Variants in JAK2 observed in about 807,000 individuals in gnomAD.
JAK2 encodes the protein tyrosine-protein kinase JAK2.
In JAK2, 86 loss-of-function variants were observed where a neutral mutation model predicts 139.3. That is an observed-to-expected ratio of 0.62 (90% CI 0.52 to 0.74). JAK2 has a LOEUF of 0.74. Ranked by LOEUF, JAK2 falls within the 30% of genes least tolerant of loss-of-function variation. The pLI is 0.00. For missense variants in JAK2, 1,421 were observed against 1,360.3 expected (o/e 1.04, Z -0.70); for synonymous variants, 490 against 437.7 (o/e 1.12, Z -1.49).
At chr9:5,083,897 T>C (rs1819889265) in intron 19 of JAK2, among the ~76,000 whole-genome samples, 1 of 152,204 alleles carries the variant, frequency 6.6e-6, no homozygotes, top group Non-Finnish European at 1.5e-5. Context: ...TTTCTTTCAA[T>C]AGTGAAACCA....
intron 2 of JAK2, among the ~76,000 whole-genome samples, chr9:5,009,748 T>C (rs999962433): frequency 6.6e-6 from 1 of 152,090 alleles, no homozygotes; most frequent in Non-Finnish European, 1.5e-5. Context: ...GATGCCTTCC[T>C]CTGTGTATTT....
rs372174914 is a variant in JAK2, at chr9:5,070,070, C to G, written c.1641+18C>G. ...TGATATTTGTAAGTCATTAGATACT[C>G]ATTACTGTCTTTTTTGTCCTTTTAA... On this transcript the variant is annotated intron_variant, in intron 12 of 24. Transcript: ENST00000381652. 6.4e-7 allele frequency: 1 copy of G among 1,566,660 alleles called. No individual in the cohort carries two copies. The highest frequency in any genetic ancestry group is 8.7e-7 in the Non-Finnish European group (1 of 1,148,448).
chr9:5,025,152 G>C (rs764462467), intron 3 of JAK2, among the ~76,000 whole-genome samples: 1 of 150,474 alleles, frequency 6.6e-6, no homozygotes, highest in Non-Finnish European at 1.5e-5. Context: ...TTTTTTTCCT[G>C]TTTCTGGGAG....
intron 2 of JAK2, among the ~76,000 whole-genome samples, chr9:4,987,614 TAATCCCAGCTACTCGGG>T (rs1437292938): frequency 1.3e-5 from 2 of 151,166 alleles, no homozygotes; most frequent in African/African-American, 4.9e-5. Context: ...TGCACACCTG[TAATCCCAGCTACTCGGG>T]AGGGTGAGGC....
chr9:5,041,820 G>A (rs1023426076), intron 4 of JAK2: 3 of 483,180 alleles, frequency 6.2e-6, no homozygotes, highest in African/African-American at 3.9e-5. Flanking sequence ...CAAAAACCAG[G>A]CGCTGAACTC....
chr9:5,076,399 T>G (rs7038763), intron 14 of JAK2, among the ~76,000 whole-genome samples: 1 of 151,980 alleles, frequency 6.6e-6, no homozygotes, highest in African/African-American at 2.4e-5. Context: ...ACCTGAACTT[T>G]AAGCAGCCAC....
intron 5 of JAK2, among the ~76,000 whole-genome samples, chr9:5,050,285 T>C (rs962596901): frequency 1.3e-5 from 2 of 152,210 alleles, no homozygotes; most frequent in African/African-American, 4.8e-5. Flanking sequence ...GAGGAATTTA[T>C]GCCATTTATT....
At chr9:5,081,888 G>A (rs751342085) in intron 19 of JAK2, 27 bp downstream of exon 19, 1 of 1,573,614 alleles carries the variant, frequency 6.4e-7, no homozygotes, top group Non-Finnish European at 8.7e-7. Context: ...TTTTCAAATA[G>A]AGTATAATCA....
At chr9:5,084,544 A>G (rs1819936466) in intron 19 of JAK2, among the ~76,000 whole-genome samples, 1 of 152,062 alleles carries the variant, frequency 6.6e-6, no homozygotes, top group South Asian at 2.1e-4. Flanking sequence ...ATATTTTTTT[A>G]TTTTTTAAAA....
At chr9:5,069,357 A>T (rs1160477895) in intron 11 of JAK2, 149 bp downstream of exon 11, 1 of 531,730 alleles carries the variant, frequency 1.9e-6, no homozygotes, top group Non-Finnish European at 3.2e-6. Context: ...AAGCATCATC[A>T]AATAAGATTG....
chr9:5,102,286 T>C (rs968586425), intron 22 of JAK2, among the ~76,000 whole-genome samples: 1 of 151,990 alleles, frequency 6.6e-6, no homozygotes, highest in Non-Finnish European at 1.5e-5. Flanking sequence ...GAAGAAAGGG[T>C]ATCAGTGATT....
chr9:4,998,662 G>A (rs1820740003), intron 2 of JAK2, among the ~76,000 whole-genome samples: 1 of 151,692 alleles, frequency 6.6e-6, no homozygotes, highest in African/African-American at 2.4e-5. Flanking sequence ...CTACAAATGT[G>A]GCTTTTCCTG....
In JAK2 at chr9:5,043,641, C is replaced by G. The variant is rs189748767; in HGVS notation, c.351-762C>G. 1.6e-4 allele frequency among the ~76,000 whole-genome samples: 25 copies of G among 152,296 alleles called. 1 individual carries two copies. Among genetic ancestry groups the G allele is most frequent in the African/African-American group, 5.8e-4 (24 of 41,582 alleles). On this transcript the variant is annotated intron_variant, in intron 4 of 24. Transcript: ENST00000381652. ...GAAAACATATCCACAAAAACTTGTA[C>G]ATGACTCTTCATACTAGCGTTATTC...
chr9:5,095,048 G>C (rs1820880741), intron 22 of JAK2: 1 of 146,056 alleles, frequency 6.8e-6, no homozygotes, highest in Admixed American at 6.9e-5. Flanking sequence ...GAATTACTTT[G>C]ATAGAGTAAA....
chr9:5,069,809 A>G (rs1453338073), intron 11 of JAK2, 116 bp from the exon 12 acceptor site: 8 of 506,506 alleles, frequency 1.6e-5, no homozygotes, highest in East Asian at 3.5e-5. Context: ...AAAAAGAACA[A>G]TTAGGAGTTA....
At chr9:5,073,864 C>G in intron 14 of JAK2, 79 bp downstream of exon 14, 2 of 893,564 alleles carry the variant, frequency 2.2e-6, no homozygotes, top group Non-Finnish European at 3.6e-6. Flanking sequence ...GTTTCAGGAT[C>G]ACAGCTAGGT....
At chr9:5,008,101 C>T (rs1422450492) in intron 2 of JAK2, among the ~76,000 whole-genome samples, 1 of 152,164 alleles carries the variant, frequency 6.6e-6, no homozygotes, top group Non-Finnish European at 1.5e-5. Flanking sequence ...CTGAGTTTCA[C>T]ATTTTTATGC....
At chr9:5,006,347 T>C (rs1442810210) in intron 2 of JAK2, among the ~76,000 whole-genome samples, 7 of 152,200 alleles carry the variant, frequency 4.6e-5, no homozygotes, top group Non-Finnish European at 1.0e-4. Context: ...TTTTGTATGC[T>C]GAGACTTTGC....
chr9:5,017,266 A>C (rs1305258579), intron 2 of JAK2, among the ~76,000 whole-genome samples: 2 of 152,236 alleles, frequency 1.3e-5, no homozygotes, highest in African/African-American at 4.8e-5. Flanking sequence ...GGTCTACTAA[A>C]AGATACATTT....
Sources: gnomAD v4.1 joint callset for allele counts (sites outside exome capture counted in the v4.1 genomes callset) on GRCh38, gnomAD v4.1.1 for gene constraint, MANE v1.5 for transcripts, NCBI Gene and HGNC (gene_info 2026-07-23, HGNC 2026-07-21) for gene names.